CRISPLD2: variants seen among roughly 807,000 people sequenced by gnomAD.
CRISPLD2 encodes cysteine-rich secretory protein LCCL domain-containing 2.
A neutral mutation model predicts 71.1 loss-of-function variants in CRISPLD2; 47 were observed. The ratio of observed to expected loss-of-function variants is 0.66; its 90% CI spans 0.52 to 0.84. The LOEUF (loss-of-function observed/expected upper bound fraction) is 0.84. CRISPLD2 is among the 40% of genes least tolerant of loss of function. The pLI is 0.00. For missense variants in CRISPLD2, 830 were observed against 651.1 expected (o/e 1.27, Z -2.99); for synonymous variants, 317 against 250.1 (o/e 1.27, Z -2.52).
chr16:84,828,004 C>T (rs1567677601), intron 1 of CRISPLD2, among the ~76,000 whole-genome samples: 1 of 152,138 alleles, frequency 6.6e-6, no homozygotes, highest in Non-Finnish European at 1.5e-5. Flanking sequence ...TTTACCTGTC[C>T]GCTGCCCGTT....
At chr16:84,887,730 G>C (rs2143339865) in intron 13 of CRISPLD2, among the ~76,000 whole-genome samples, 1 of 152,258 alleles carries the variant, frequency 6.6e-6, no homozygotes, top group Middle Eastern at 3.4e-3. Context: ...TACAAAATTA[G>C]CCAGACGTGG....
intron 14 of CRISPLD2, among the ~76,000 whole-genome samples, chr16:84,900,084 C>T (rs1391745377): frequency 6.6e-6 from 1 of 152,132 alleles, no homozygotes; most frequent in Non-Finnish European, 1.5e-5. Context: ...CCCCTGGCCA[C>T]TCTTTCTCCT....
intron 13 of CRISPLD2, among the ~76,000 whole-genome samples, chr16:84,884,988 C>T (rs980857546): frequency 1.3e-5 from 2 of 152,230 alleles, no homozygotes; most frequent in Non-Finnish European, 2.9e-5. Context: ...CCTGGTACTG[C>T]AGCAGTTGGC....
intron 1 of CRISPLD2, among the ~76,000 whole-genome samples, chr16:84,824,131 G>A (rs552992335): frequency 6.6e-6 from 1 of 152,244 alleles, no homozygotes; most frequent in East Asian, 1.9e-4. Context: ...GGTGGGTGGG[G>A]AGCTGGCGAG....
intron 1 of CRISPLD2, among the ~76,000 whole-genome samples, chr16:84,822,764 G>A (rs1021494379): frequency 2.6e-5 from 4 of 152,158 alleles, no homozygotes; most frequent in Non-Finnish European, 5.9e-5. Context: ...AATAGAGCAC[G>A]CTGAGTTCTG....
At chr16:84,871,349 A>G (rs1047075291) in intron 8 of CRISPLD2, among the ~76,000 whole-genome samples, 1 of 152,034 alleles carries the variant, frequency 6.6e-6, no homozygotes, top group Non-Finnish European at 1.5e-5. Flanking sequence ...TGAGCCCAGG[A>G]GTTCGAAACC....
intron 1 of CRISPLD2, among the ~76,000 whole-genome samples, chr16:84,830,823 A>G (rs921688059): frequency 6.6e-6 from 1 of 152,028 alleles, no homozygotes; most frequent in African/African-American, 2.4e-5. Context: ...ATCAGTGTCT[A>G]TGGGATCTGC....
At chr16:84,892,337 C>G (rs987976055) in intron 14 of CRISPLD2, among the ~76,000 whole-genome samples, 2 of 152,346 alleles carry the variant, frequency 1.3e-5, no homozygotes, top group East Asian at 3.9e-4. Flanking sequence ...AGCTGCCGTT[C>G]TAAGAGTCAC....
intron 8 of CRISPLD2, 85 bp from the exon 9 acceptor site, chr16:84,872,357 C>T (rs1352966051): frequency 3.7e-6 from 4 of 1,082,826 alleles, no homozygotes; most frequent in Admixed American, 1.8e-5. Flanking sequence ...AGTAATAGAG[C>T]CATCGATGAA....
chr16:84,882,186 A>C (rs2071573885), intron 13 of CRISPLD2, among the ~76,000 whole-genome samples: 1 of 152,170 alleles, frequency 6.6e-6, no homozygotes, highest in African/African-American at 2.4e-5. Context: ...AAACACATGA[A>C]AAGCAAGAGT....
chr16:84,855,817 G>C (rs1434949822), intron 6 of CRISPLD2, among the ~76,000 whole-genome samples: 1 of 152,078 alleles, frequency 6.6e-6, no homozygotes, highest in African/African-American at 2.4e-5. Context: ...CGTAAAACTG[G>C]AAACTCACCA....
chr16:84,833,731 G>T (rs971082347), intron 1 of CRISPLD2, among the ~76,000 whole-genome samples: 1 of 152,198 alleles, frequency 6.6e-6, no homozygotes, highest in South Asian at 2.1e-4. Flanking sequence ...TGGTGGGGGG[G>T]CGTGTTTGTG....
At position 84,883,401 on chromosome 16, in the gene CRISPLD2, G is replaced by A. The variant is rs111619601; in HGVS notation, c.1305+2817G>A. Reference sequence around the variant, plus strand: ...GTGGTGAGCTGCAGACAGAAGCATCGGGGTGTGGCCCAGGGAGCTGAGCCA... The same window carrying A: ...GTGGTGAGCTGCAGACAGAAGCATCAGGGTGTGGCCCAGGGAGCTGAGCCA... On this transcript the variant is annotated intron_variant, in intron 13 of 14. Coordinates refer to ENST00000262424, the MANE Select transcript of CRISPLD2 (RefSeq NM_031476.4). Among the ~76,000 whole-genome samples, 202 of 152,326 alleles carry A rather than the reference G, an allele frequency of 1.3e-3. 2 individuals are homozygous for A. Among genetic ancestry groups the A allele is most frequent in the African/African-American group, 4.7e-3 (194 of 41,572 alleles).
chr16:84,824,233 C>A (rs1472354592), intron 1 of CRISPLD2, among the ~76,000 whole-genome samples: 1 of 152,096 alleles, frequency 6.6e-6, no homozygotes, highest in East Asian at 1.9e-4. Context: ...GTTTGGTGTG[C>A]CTGTAGTCTA....
intron 2 of CRISPLD2, chr16:84,842,129 C>T (rs1409892268): frequency 7.9e-5 from 12 of 152,494 alleles, no homozygotes; most frequent in Non-Finnish European, 1.0e-4. Context: ...CACACCGCAC[C>T]GTGAGAAAGG....
intron 13 of CRISPLD2, among the ~76,000 whole-genome samples, chr16:84,885,825 T>C (rs1256365329): frequency 6.9e-6 from 1 of 144,428 alleles, no homozygotes; most frequent in Non-Finnish European, 1.5e-5. Flanking sequence ...TTTTTTTTTT[T>C]TTTTTTTTTG....
chr16:84,885,429 C>T (rs1055019715), intron 13 of CRISPLD2, among the ~76,000 whole-genome samples: 5 of 152,176 alleles, frequency 3.3e-5, no homozygotes, highest in African/African-American at 9.7e-5. Flanking sequence ...GGGGAAAATG[C>T]GTCCTGGTTC....
At chr16:84,822,060 T>C (rs1201509394) in intron 1 of CRISPLD2, among the ~76,000 whole-genome samples, 1 of 152,228 alleles carries the variant, frequency 6.6e-6, no homozygotes. Context: ...GTTGAGGCTT[T>C]CTGTGCCATG....
rs184840245 is a variant in CRISPLD2 at position 84,883,163 on chromosome 16, A to C, written c.1305+2579A>C. ...TGAAGGAGGGAAGAGGGAAGGAGGGAAGGAAGAAAGCCACCTCCGTGTGAG... is the reference window on the plus strand; with the variant it reads ...TGAAGGAGGGAAGAGGGAAGGAGGGCAGGAAGAAAGCCACCTCCGTGTGAG... On this transcript the variant is annotated intron_variant, in intron 13 of 14. Coordinates refer to ENST00000262424, the MANE Select transcript of CRISPLD2 (RefSeq NM_031476.4). Among the ~76,000 whole-genome samples, 399 of 152,310 alleles carry C rather than the reference A, an allele frequency of 2.6e-3. 3 individuals are homozygous for C. The highest frequency in any genetic ancestry group is 9.2e-3 in the African/African-American group (382 of 41,574).
Sources: gnomAD v4.1 joint callset for allele counts (sites outside exome capture counted in the v4.1 genomes callset) on GRCh38, gnomAD v4.1.1 for gene constraint, MANE v1.5 for transcripts, NCBI Gene and HGNC (gene_info 2026-07-23, HGNC 2026-07-21) for gene names.